Variants in AKAP7 observed in about 807,000 individuals in gnomAD.
The protein encoded by AKAP7 is A kinase (PRKA) anchor protein 7.
In AKAP7, 39 loss-of-function variants were observed where a neutral mutation model predicts 39.5. The ratio of observed to expected loss-of-function variants is 0.99; its 90% CI spans 0.76 to 1.29. The LOEUF (loss-of-function observed/expected upper bound fraction) is 1.29. AKAP7 is among the 50% of genes most tolerant of loss of function. The pLI is 0.00. For missense variants in AKAP7, 414 were observed against 407.7 expected (o/e 1.02, Z -0.13); for synonymous variants, 140 against 139.1 (o/e 1.01, Z -0.05).
At chr6:131,231,186 C>T (rs945545330) in intron 7 of AKAP7, among the ~76,000 whole-genome samples, 6 of 152,082 alleles carry the variant, frequency 3.9e-5, no homozygotes, top group Non-Finnish European at 8.8e-5. Context: ...TTTTTCCCCT[C>T]CTTTAATTTC....
chr6:131,166,899 T>G (rs1440218504), intron 4 of AKAP7, among the ~76,000 whole-genome samples: 1 of 152,230 alleles, frequency 6.6e-6, no homozygotes, highest in African/African-American at 2.4e-5. Context: ...TATCAAGTTT[T>G]AGTTGTTTAA....
At chr6:131,135,175 A>C (rs1353261563), upstream of AKAP7, among the ~76,000 whole-genome samples, 1 of 152,236 alleles carries the variant, frequency 6.6e-6, no homozygotes, top group Admixed American at 6.5e-5. Context: ...AAGCACATGG[A>C]TTCTCAAAAG....
At chr6:131,153,129 CA>C (rs527758381) in intron 2 of AKAP7, among the ~76,000 whole-genome samples, 153 of 111,472 alleles carry the variant, frequency 1.4e-3, no homozygotes, top group Admixed American at 1.8e-3. Context: ...GACTCCATCT[CA>C]AAAAAAAAAA....
intron 6 of AKAP7, among the ~76,000 whole-genome samples, chr6:131,205,806 A>G (rs1013234142): frequency 6.6e-6 from 1 of 152,206 alleles, no homozygotes; most frequent in Non-Finnish European, 1.5e-5. Context: ...AAAAGGAATC[A>G]TTATCATTGT....
chr6:131,138,028 G>A (rs375844759), intron 1 of AKAP7, among the ~76,000 whole-genome samples: 79 of 152,082 alleles, frequency 5.2e-4, no homozygotes, highest in African/African-American at 1.7e-3. Flanking sequence ...TCATTGTCGC[G>A]AGCATGCTTC....
In AKAP7 at chr6:131,189,425, T is replaced by G. The variant is rs186803496; in HGVS notation, c.590-10036T>G. Among the ~76,000 whole-genome samples the G allele has an allele frequency of 2.2e-4, 33 of 152,320 alleles. No individual in the cohort carries two copies. The East Asian group carries it at 5.4e-3, about 25-fold the overall frequency. On this transcript the variant is annotated intron_variant, in intron 5 of 7. Coordinates refer to ENST00000431975, the MANE Select transcript of AKAP7 (RefSeq NM_016377.4). Reference sequence around the variant, plus strand: ...AGATCATGTGATCGTATAAACATCTTTAACAATATTAGAGAAAGGGAGAAA... The same window carrying G: ...AGATCATGTGATCGTATAAACATCTGTAACAATATTAGAGAAAGGGAGAAA...
At chr6:131,190,725 T>A (rs1231725828) in intron 5 of AKAP7, among the ~76,000 whole-genome samples, 1 of 151,956 alleles carries the variant, frequency 6.6e-6, no homozygotes, top group Non-Finnish European at 1.5e-5. Flanking sequence ...AATAAGATAA[T>A]AAATAAACAT....
At chr6:131,258,047 G>A (rs567594903) in intron 7 of AKAP7, among the ~76,000 whole-genome samples, 7 of 152,186 alleles carry the variant, frequency 4.6e-5, no homozygotes, top group African/African-American at 1.4e-4. Flanking sequence ...TGTGTATTCC[G>A]AAACAAATAT....
chr6:131,180,525 C>T (rs1045122330), intron 5 of AKAP7, among the ~76,000 whole-genome samples: 2 of 152,158 alleles, frequency 1.3e-5, no homozygotes, highest in African/African-American at 4.8e-5. Flanking sequence ...AAAGAGTTGC[C>T]TGTATTCTCT....
intron 7 of AKAP7, among the ~76,000 whole-genome samples, chr6:131,223,270 G>A (rs1017573677): frequency 1.3e-5 from 2 of 152,052 alleles, no homozygotes; most frequent in African/African-American, 4.8e-5. Flanking sequence ...AATATTGCAA[G>A]GTCTTTAACC....
intron 7 of AKAP7, among the ~76,000 whole-genome samples, chr6:131,279,537 G>A (rs1815038162): frequency 6.6e-6 from 1 of 152,190 alleles, no homozygotes; most frequent in Admixed American, 6.5e-5. Flanking sequence ...AAAGTGTTGG[G>A]ATTACAGGCG....
At chr6:131,188,356 C>T (rs1195746038) in intron 5 of AKAP7, among the ~76,000 whole-genome samples, 1 of 152,028 alleles carries the variant, frequency 6.6e-6, no homozygotes, top group African/African-American at 2.4e-5. Flanking sequence ...AGCTTTATGG[C>T]TTTTATTTCT....
chr6:131,281,810 G>A lies in AKAP7; in HGVS notation c.*84G>A. On this transcript the variant is annotated 3_prime_UTR_variant, in exon 8 of 8. Transcript: ENST00000431975. The surrounding 1 kb of genome is among the most constrained non-coding windows in gnomAD (Gnocchi z 4.0). ...TCTAGGGACTGACTTGCAGCGTGCT[G>A]TTTAAGTTAAGTTTCTCTGGTGCAA... 4 of 1,368,684 alleles carry A rather than the reference G, an allele frequency of 2.9e-6. No individual in the cohort carries two copies. The highest frequency in any genetic ancestry group is 2.8e-5 in the East Asian group (1 of 36,232). The allele number at this position is 1,368,684 out of a possible 1,614,324, so 84.8% of individuals were successfully genotyped here. A position where few individuals can be genotyped will look rare whatever the true frequency, so the allele number is the denominator to read the frequency against.
chr6:131,198,207 T>G (rs965428680), intron 5 of AKAP7, among the ~76,000 whole-genome samples: 2 of 152,166 alleles, frequency 1.3e-5, no homozygotes, highest in Admixed American at 1.3e-4. Flanking sequence ...CAACATCTAC[T>G]TGACATTTTG....
At chr6:131,152,651 A>T (rs1411833862) in intron 2 of AKAP7, among the ~76,000 whole-genome samples, 1 of 151,212 alleles carries the variant, frequency 6.6e-6, no homozygotes, top group Non-Finnish European at 1.5e-5. Context: ...AACATGCGAA[A>T]CCCCATGTCT....
At chr6:131,237,127 T>C (rs1166381678) in intron 7 of AKAP7, among the ~76,000 whole-genome samples, 2 of 152,178 alleles carry the variant, frequency 1.3e-5, no homozygotes, top group African/African-American at 4.8e-5. Flanking sequence ...GGTTGTTGAA[T>C]TTTGTCAAAG....
chr6:131,170,756 G>A (rs1803969805), intron 5 of AKAP7, among the ~76,000 whole-genome samples: 1 of 152,160 alleles, frequency 6.6e-6, no homozygotes, highest in African/African-American at 2.4e-5. Flanking sequence ...GTGAATGTCA[G>A]TGTTTATATA....
chr6:131,188,362 TTTC>T lies in AKAP7; in HGVS notation c.590-11096_590-11094del, dbSNP rs1806072250. Among the ~76,000 whole-genome samples the T allele has an allele frequency of 5.3e-5, 8 of 152,248 alleles. No homozygotes were observed. The South Asian group carries it at 1.7e-3, about 32-fold the overall frequency. ...AACAAAAACAGCTTTATGGCTTTTA[TTTC>T]TTTAAAGTTTCAGGTGACGAAAAGT... On this transcript the variant is annotated intron_variant, in intron 5 of 7. Coordinates refer to ENST00000431975, the MANE Select transcript of AKAP7 (RefSeq NM_016377.4).
At position 131,186,978 on chromosome 6, in the gene AKAP7, A is replaced by G. The variant is rs560436867; in HGVS notation, c.590-12483A>G. On this transcript the variant is annotated intron_variant, in intron 5 of 7. Coordinates refer to ENST00000431975, the MANE Select transcript of AKAP7 (RefSeq NM_016377.4). ...TTTCTATTCTATTTCATTAGCCTAT[A>G]TATTTGTCTTTATGCATATATTACA... Among the ~76,000 whole-genome samples the G allele has an allele frequency of 5.3e-5, 8 of 152,318 alleles. No individual in the cohort carries two copies. The South Asian group carries it at 1.7e-3, about 32-fold the overall frequency.
Sources: allele counts gnomAD v4.1 joint callset (sites outside exome capture counted in the v4.1 genomes callset), GRCh38; gene constraint gnomAD v4.1.1; non-coding constraint Gnocchi (gnomAD v3.1); transcripts MANE v1.5; gene names NCBI Gene and HGNC (gene_info 2026-07-23, HGNC 2026-07-21).